Variants in HIF3A observed in about 807,000 individuals in gnomAD.
The protein encoded by HIF3A is hypoxia inducible factor 3 subunit alpha.
Under a neutral mutation model 67.2 loss-of-function variants are expected in HIF3A, and 41 were observed. The observed-to-expected ratio is 0.61, with a 90% CI of 0.48 to 0.79. HIF3A has a LOEUF of 0.79. Ranked by LOEUF, HIF3A falls within the 30% of genes least tolerant of loss-of-function variation. The pLI is 0.00. For synonymous variants in HIF3A, 356 were observed against 374.8 expected (o/e 0.95, Z 0.58); for missense variants, 855 against 898.0 (o/e 0.95, Z 0.61).
intron 6 of HIF3A, among the ~76,000 whole-genome samples, chr19:46,311,248 G>C (rs2147168513): frequency 6.6e-6 from 1 of 152,090 alleles, no homozygotes; most frequent in East Asian, 1.9e-4. Flanking sequence ...CACGAACTCA[G>C]TGGCTCCAAA....
In HIF3A at chr19:46,338,598, C is replaced by T. The variant is rs192466904; in HGVS notation, c.1913-927C>T. ...AACAGCTGACTTAACTGCTTTCTCA[C>T]CAGTACTAGTTATGGTTCAAAACAC... On this transcript the variant is annotated intron_variant, in intron 14 of 14. Transcript: ENST00000377670. 204 of 948,786 alleles carry T rather than the reference C, an allele frequency of 2.2e-4. No individual in the cohort carries two copies. The African/African-American group carries it at 3.4e-3, about 16-fold the overall frequency. 58.8% of individuals were successfully genotyped at this position (948,786 alleles called of 1,614,324 possible). A position where few individuals can be genotyped will look rare whatever the true frequency, so the allele number is the denominator to read the frequency against.
intron 11 of HIF3A, chr19:46,328,956 C>T: frequency 2.7e-6 from 1 of 376,872 alleles, no homozygotes. Flanking sequence ...TTTCTAGCCT[C>T]AAGTGATGCT....
chr19:46,334,306 G>A (rs796092135), intron 13 of HIF3A, among the ~76,000 whole-genome samples: 5 of 151,022 alleles, frequency 3.3e-5, no homozygotes, highest in African/African-American at 1.2e-4. Context: ...TGGCCAGGCT[G>A]GTCTCGAACT....
intron 10 of HIF3A, 45 bp from the exon 11 acceptor site, chr19:46,325,490 C>T (rs760111262): frequency 2.1e-6 from 3 of 1,403,718 alleles, no homozygotes; most frequent in Non-Finnish European, 3.0e-6. Context: ...GTTGATACCT[C>T]CCAGGCTCAA....
chr19:46,312,881 A>C (rs919589062), intron 8 of HIF3A: 2 of 944,340 alleles, frequency 2.1e-6, no homozygotes, highest in African/African-American at 4.8e-5. Context: ...GTAGACTGTT[A>C]ATTTTTTTTT....
rs1486498689 is a variant in HIF3A, at chr19:46,340,409, T to C, written c.*787T>C. ...TGTATAACCTCTGACCTGCACTGGT[T>C]CTAGACCACACAACCTCCAATGTGG... On this transcript the variant is annotated 3_prime_UTR_variant, in exon 15 of 15. Coordinates refer to ENST00000377670, the MANE Select transcript of HIF3A (RefSeq NM_152795.4). 2.0e-5 allele frequency: 3 copies of C among 152,800 alleles called. No homozygotes were observed. The highest frequency in any genetic ancestry group is 1.3e-4 in the Admixed American group (2 of 15,280). 9.5% of individuals were successfully genotyped at this position (152,800 alleles called of 1,614,324 possible). A position where few individuals can be genotyped will look rare whatever the true frequency, so the allele number is the denominator to read the frequency against.
chr19:46,323,863 C>T (rs1158164293), intron 10 of HIF3A, among the ~76,000 whole-genome samples: 1 of 152,108 alleles, frequency 6.6e-6, no homozygotes, highest in Non-Finnish European at 1.5e-5. Flanking sequence ...ATCACGAGGA[C>T]AGTATGGGAG....
At chr19:46,303,522 T>A in intron 1 of HIF3A, 1 of 1,182,524 alleles carries the variant, frequency 8.5e-7, no homozygotes. Context: ...CTCTGGCCCC[T>A]GGCCAGCTCA....
intron 13 of HIF3A, among the ~76,000 whole-genome samples, chr19:46,332,484 G>A (rs1291644746): frequency 6.6e-6 from 1 of 152,170 alleles, no homozygotes; most frequent in African/African-American, 2.4e-5. Context: ...AGGCTGTAGT[G>A]AGCCATGATC....
intron 10 of HIF3A, among the ~76,000 whole-genome samples, chr19:46,323,472 C>A (rs1157135171): frequency 6.6e-6 from 1 of 152,032 alleles, no homozygotes; most frequent in African/African-American, 2.4e-5. Context: ...CCTAACACAC[C>A]CAGTGTTCTA....
intron 14 of HIF3A, among the ~76,000 whole-genome samples, chr19:46,335,280 A>ATTTATTTT (rs1971529735): frequency 2.0e-5 from 3 of 150,934 alleles, no homozygotes; most frequent in African/African-American, 7.3e-5. Context: ...TTATTTATTT[A>ATTTATTTT]TTTTTTGAGA....
intron 2 of HIF3A, 129 bp downstream of exon 2, chr19:46,304,217 T>C (rs1365296806): frequency 5.5e-5 from 34 of 621,742 alleles, no homozygotes; most frequent in East Asian, 1.8e-4. Flanking sequence ...GTCGTTTTTT[T>C]CGGCGGAGCC....
At chr19:46,298,164 T>C (rs1415565046) in intron 1 of HIF3A, 2 of 248,246 alleles carry the variant, frequency 8.1e-6, no homozygotes, top group East Asian at 1.5e-4. Flanking sequence ...CCTCCCTGGC[T>C]TCTCAGGCCT....
In HIF3A at chr19:46,330,842, AGATG is replaced by A. The variant is rs531051205; in HGVS notation, c.1713-292_1713-289del. The stretch of plus-strand genomic sequence containing the variant: ...GGCAGACAGATGGTGGATGGATGGC[AGATG>A]GATGGATGGATGGATGGATGGGTGG... On this transcript the variant is annotated intron_variant, in intron 12 of 14. Transcript: ENST00000377670. Among the ~76,000 whole-genome samples the A allele has an allele frequency of 7.7e-3, 1,126 of 145,814 alleles. 3 individuals carry two copies. Among genetic ancestry groups the A allele is most frequent in the Non-Finnish European group, 9.5e-3 (627 of 66,176 alleles).
Position 46,297,318 on chromosome 19 carries a change from A to G in HIF3A, c.26+216A>G, listed in dbSNP as rs994434541. Among the ~76,000 whole-genome samples, 6 of 152,106 alleles carry G rather than the reference A, an allele frequency of 3.9e-5. No homozygotes were observed. The highest frequency in any genetic ancestry group is 6.5e-5 in the Admixed American group (1 of 15,270). On this transcript the variant is annotated intron_variant, in intron 1 of 14. Transcript: ENST00000377670. The surrounding 1 kb of genome is among the most constrained non-coding windows in gnomAD (Gnocchi z 4.5). ...TCTGGCTGCCCCGCCCCTCTGGCCA[A>G]GAGCGGCTTCGGGGTTCCCGATTTC...
At chr19:46,335,506 G>A (rs1971547311) in intron 14 of HIF3A, among the ~76,000 whole-genome samples, 1 of 152,114 alleles carries the variant, frequency 6.6e-6, no homozygotes, top group Non-Finnish European at 1.5e-5. Flanking sequence ...CTGACCTCAG[G>A]TGATCTGCCT....
chr19:46,312,702 T>C (rs1263131606), intron 8 of HIF3A, 49 bp downstream of exon 8: 1 of 1,474,492 alleles, frequency 6.8e-7, no homozygotes, highest in Non-Finnish European at 9.0e-7. Flanking sequence ...CTGATCTGCA[T>C]GTGTGGACAG....
chr19:46,297,896 G>A lies in HIF3A; in HGVS notation c.26+794G>A, dbSNP rs570909492. ...TATTTTGGGGAGACTCCATGGCAGG[G>A]TGCTGTGAGCCTGCAGGCTGTGATG... On this transcript the variant is annotated intron_variant, in intron 1 of 14. Transcript: ENST00000377670. The surrounding 1 kb of genome is among the most constrained non-coding windows in gnomAD (Gnocchi z 4.5). Among the ~76,000 whole-genome samples the A allele has an allele frequency of 2.6e-5, 4 of 152,144 alleles. No homozygotes were observed. The highest frequency in any genetic ancestry group is 2.1e-4 in the South Asian group (1 of 4,822).
At chr19:46,338,307 T>A (rs751317161) in intron 14 of HIF3A, 17 of 450,198 alleles carry the variant, frequency 3.8e-5, no homozygotes, top group South Asian at 1.3e-4. Flanking sequence ...GCTCAAGTGA[T>A]CCTCCTACTT....
Sources: gnomAD v4.1 joint callset for allele counts (sites outside exome capture counted in the v4.1 genomes callset) on GRCh38, gnomAD v4.1.1 for gene constraint, Gnocchi (gnomAD v3.1) non-coding constraint, MANE v1.5 for transcripts, NCBI Gene and HGNC (gene_info 2026-07-23, HGNC 2026-07-21) for gene names.